KIF13B: variants seen among roughly 807,000 people sequenced by gnomAD.
The protein encoded by KIF13B is kinesin-like protein KIF13B.
A neutral mutation model predicts 222.0 loss-of-function variants in KIF13B; 127 were observed. The observed-to-expected ratio is 0.57, with a 90% CI of 0.50 to 0.66. The LOEUF is 0.66. KIF13B is among the 30% of genes least tolerant of loss of function. The pLI is 0.00. For missense variants in KIF13B, 2,173 were observed against 2,379.0 expected, an observed-to-expected ratio of 0.91 and a Z score of 1.80; for synonymous variants, 976 against 919.0, an observed-to-expected ratio of 1.06 and a Z score of -1.12.
chr8:29,142,154 T>TG lies in KIF13B; in HGVS notation c.2334+2_2334+3insC. 6.2e-7 allele frequency: 1 copy of TG among 1,611,144 alleles called. No homozygotes were observed. Among genetic ancestry groups the TG allele is most frequent in the Non-Finnish European group, 8.5e-7 (1 of 1,177,870 alleles). On this transcript the variant is annotated splice_region_variant and intron_variant, in intron 19 of 39. Coordinates refer to ENST00000524189, the MANE Select transcript of KIF13B (RefSeq NM_015254.4). ...TTAAGTGATTTTCTCTTAAATAACT[T>TG]ACTGGGTTATCTTCTTCACACTCTT... is the stretch of plus-strand genomic sequence containing the variant.
At position 29,140,054 on chromosome 8, in the gene KIF13B, G is replaced by T; in HGVS notation, c.2613+9C>A. Reference sequence around the variant, plus strand: ...ATCAACGTAATACTAGGATGAAGCTGGGACTTACCATGCACACCAGTTTGT... The same window carrying T: ...ATCAACGTAATACTAGGATGAAGCTTGGACTTACCATGCACACCAGTTTGT... On this transcript the variant is annotated intron_variant, in intron 21 of 39. Transcript: ENST00000524189. The T allele has an allele frequency of 6.4e-7, 1 of 1,571,494 alleles. No individual in the cohort carries two copies.
chr8:29,239,437 A>C (rs1815662255), intron 2 of KIF13B, among the ~76,000 whole-genome samples: 1 of 152,216 alleles, frequency 6.6e-6, no homozygotes, highest in South Asian at 2.1e-4. Flanking sequence ...AGAAACAGAA[A>C]ACCTAACATT....
At position 29,108,166 on chromosome 8, in the gene KIF13B, A is replaced by G. The variant is rs2133604675; in HGVS notation, c.4188T>C (p.Ile1396=). Residue 1396 remains isoleucine, a synonymous_variant, in exon 35 of 40, where the codon ATT becomes ATC. Coordinates refer to ENST00000524189, the MANE Select transcript of KIF13B (RefSeq NM_015254.4). ...TGTTGCTGCCTAGACTGTATGATGGAATGAGATCTTGTCGGCTTCCAGACA... is the reference window on the plus strand; with the variant it reads ...TGTTGCTGCCTAGACTGTATGATGGGATGAGATCTTGTCGGCTTCCAGACA... ...NRLSGSRQDL[I]PSYSLGSNKG... 2 of 1,612,494 alleles carry G rather than the reference A, an allele frequency of 1.2e-6. No homozygotes were observed. The highest frequency in any genetic ancestry group is 1.7e-6 in the Non-Finnish European group (2 of 1,179,280).
Position 29,071,551 on chromosome 8 carries a change from A to T in KIF13B, c.5218+69T>A. The T allele has an allele frequency of 7.2e-7, 1 of 1,386,600 alleles. No homozygotes were observed. The highest frequency in any genetic ancestry group is 9.9e-7 in the Non-Finnish European group (1 of 1,011,656). 85.9% of individuals were successfully genotyped at this position (1,386,600 alleles called of 1,614,324 possible). ...TCCTGCCCGGACCCTGTCCCCTCCC[A>T]GGCCGGCCACGTTCCTGCTTCCCCA... is the stretch of plus-strand genomic sequence containing the variant. On this transcript the variant is annotated intron_variant, in intron 39 of 39. Coordinates refer to ENST00000524189, the MANE Select transcript of KIF13B (RefSeq NM_015254.4). The surrounding 1 kb of genome is among the most constrained non-coding windows in gnomAD (Gnocchi z 4.9).
At chr8:29,258,047 T>C (rs947893395) in intron 1 of KIF13B, among the ~76,000 whole-genome samples, 1 of 152,220 alleles carries the variant, frequency 6.6e-6, no homozygotes, top group Non-Finnish European at 1.5e-5. Context: ...TCTTCTGTTT[T>C]AGCAAATACT....
chr8:29,138,614 A>G (rs1810668635), intron 21 of KIF13B: 2 of 152,252 alleles, frequency 1.3e-5, no homozygotes, highest in Admixed American at 1.3e-4. Flanking sequence ...CACCACCTAC[A>G]AAGCACCCTG....
At chr8:29,200,945 G>A (rs947920375) in intron 2 of KIF13B, among the ~76,000 whole-genome samples, 1 of 152,186 alleles carries the variant, frequency 6.6e-6, no homozygotes, top group Non-Finnish European at 1.5e-5. Context: ...TGCCATTACT[G>A]ATCATGTTAA....
chr8:29,135,113 G>A (rs1311905280), intron 21 of KIF13B, among the ~76,000 whole-genome samples: 2 of 152,128 alleles, frequency 1.3e-5, no homozygotes, highest in Non-Finnish European at 2.9e-5. Context: ...GCACAATCAT[G>A]GCTAACTGCA....
intron 1 of KIF13B, among the ~76,000 whole-genome samples, chr8:29,254,791 C>T (rs549767333): frequency 1.4e-4 from 22 of 152,214 alleles, no homozygotes; most frequent in Admixed American, 5.9e-4. Flanking sequence ...TATACATATG[C>T]GTATCTGAGA....
At chr8:29,216,922 C>T (rs865856357) in intron 2 of KIF13B, among the ~76,000 whole-genome samples, 1 of 151,912 alleles carries the variant, frequency 6.6e-6, no homozygotes, top group Admixed American at 6.6e-5. Context: ...TGCCCTTTCT[C>T]CATATCTGGG....
chr8:29,209,484 A>C (rs1354726320), intron 2 of KIF13B, among the ~76,000 whole-genome samples: 2 of 152,178 alleles, frequency 1.3e-5, no homozygotes, highest in African/African-American at 4.8e-5. Context: ...TTAGCACAGC[A>C]GGCCTGGGTC....
At chr8:29,125,791 A>G (rs1346015762) in intron 26 of KIF13B, among the ~76,000 whole-genome samples, 4 of 152,050 alleles carry the variant, frequency 2.6e-5, no homozygotes, top group Admixed American at 6.5e-5. Context: ...TCCAGGAAGT[A>G]GGGAAGAAAG....
rs770569664 is a variant in KIF13B at position 29,070,682 on chromosome 8, C to T, written c.5303G>A (p.Arg1768His). ...CCGCCGCACAGGGCCCGTGGCCCTGCGGACCCGGCTGGGCCTGACCAGCAG... is the reference window on the plus strand; with the variant it reads ...CCGCCGCACAGGGCCCGTGGCCCTGTGGACCCGGCTGGGCCTGACCAGCAG... ...YGLLVRPSRVRRATGPVRRRS... is the reference protein window; with the variant it reads ...YGLLVRPSRVHRATGPVRRRS... The change falls in exon 40 of 40, where the codon CGC (arginine) becomes CAC (histidine). Residue 1768 changes from arginine to histidine, a missense_variant. Physicochemically the swap from Arg to His is conservative, Grantham distance 29. Coordinates refer to ENST00000524189, the MANE Select transcript of KIF13B (RefSeq NM_015254.4). This position sits in a 1 kb window ranked among gnomAD's most constrained non-coding sequence, Gnocchi z 4.1. 16 of 1,560,424 alleles carry T rather than the reference C, an allele frequency of 1.0e-5. No individual in the cohort carries two copies. The highest frequency in any genetic ancestry group is 4.1e-5 in the African/African-American group (3 of 73,502).
intron 2 of KIF13B, among the ~76,000 whole-genome samples, chr8:29,216,318 C>T (rs1386288549): frequency 6.6e-6 from 1 of 152,104 alleles, no homozygotes; most frequent in Non-Finnish European, 1.5e-5. Flanking sequence ...CGTACTAGGC[C>T]GGGCGCAGTG....
At chr8:29,172,227 C>G (rs886483993) in intron 10 of KIF13B, among the ~76,000 whole-genome samples, 1 of 151,796 alleles carries the variant, frequency 6.6e-6, no homozygotes, top group Admixed American at 6.6e-5. Context: ...ACTACAGGCG[C>G]CCGCCACCAC....
chr8:29,117,886 G>A (rs555460142), intron 30 of KIF13B, among the ~76,000 whole-genome samples: 97 of 151,928 alleles, frequency 6.4e-4, no homozygotes, highest in African/African-American at 2.1e-3. Context: ...GGCCAGGCGC[G>A]GTGGCTCATG....
Position 29,146,556 on chromosome 8 carries a change from G to A in KIF13B, c.2025-16C>T. 1 of 1,605,940 alleles carries A rather than the reference G, an allele frequency of 6.2e-7. No individual in the cohort carries two copies. Among genetic ancestry groups the A allele is most frequent in the Non-Finnish European group, 8.5e-7 (1 of 1,176,066 alleles). On this transcript the variant is annotated splice_polypyrimidine_tract_variant and intron_variant, in intron 17 of 39. Coordinates refer to ENST00000524189, the MANE Select transcript of KIF13B (RefSeq NM_015254.4). ...CGTTGCTTCTCTAAAAAAAAATAAA[G>A]AAGCGGCAGAGGTAGGGAAGAGATT...
chr8:29,226,165 T>C (rs1336732294), intron 2 of KIF13B, among the ~76,000 whole-genome samples: 1 of 152,176 alleles, frequency 6.6e-6, no homozygotes, highest in East Asian at 1.9e-4. Flanking sequence ...CCCAACTTCC[T>C]GGTTCCAGGA....
chr8:29,137,823 A>C (rs1388201174), intron 21 of KIF13B, among the ~76,000 whole-genome samples: 1 of 152,198 alleles, frequency 6.6e-6, no homozygotes, highest in Middle Eastern at 3.2e-3. Context: ...TCACACCGGA[A>C]AACAAGAAAG....
Sources: allele counts gnomAD v4.1 joint callset (sites outside exome capture counted in the v4.1 genomes callset), GRCh38; gene constraint gnomAD v4.1.1; non-coding constraint Gnocchi (gnomAD v3.1); transcripts MANE v1.5; gene names NCBI Gene and HGNC (gene_info 2026-07-23, HGNC 2026-07-21).